Variants in UPRT observed in about 807,000 individuals in gnomAD.
UPRT encodes the protein uracil phosphoribosyltransferase homolog.
A neutral mutation model predicts 22.6 loss-of-function variants in UPRT; 5 were observed. The observed-to-expected ratio is 0.22, with a 90% confidence interval of 0.12 to 0.47. UPRT has a LOEUF of 0.47. UPRT is among the 20% of genes least tolerant of loss of function. UPRT has a pLI of 0.99. For missense variants in UPRT, 181 were observed against 239.9 expected (o/e 0.75, Z 1.62); for synonymous variants, 77 against 87.7 (o/e 0.88, Z 0.68).
chrX:75,251,739 A>T (rs944051665), intron 4 of UPRT, among the ~76,000 whole-genome samples: 1 of 111,617 alleles, frequency 9.0e-6, no homozygotes, highest in Non-Finnish European at 1.9e-5. Context: ...ACCAAAAAAG[A>T]GCCTGCATCA....
chrX:75,250,223 A>T (rs2082523636), intron 4 of UPRT, among the ~76,000 whole-genome samples: 1 of 110,626 alleles, frequency 9.0e-6, no homozygotes, highest in African/African-American at 3.3e-5. Context: ...AGCAGAACTG[A>T]AGGAAATAGA....
At chrX:75,183,271 T>C (rs147906993) in intron 4 of UPRT, among the ~76,000 whole-genome samples, 1,346 of 110,698 alleles carry the variant, frequency 0.012, 23 homozygotes, top group African/African-American at 0.043. Context: ...GAACATGTAG[T>C]GTTTGGTTTT....
At chrX:75,172,694 G>A (rs1387809067) in intron 4 of UPRT, among the ~76,000 whole-genome samples, 1 of 110,596 alleles carries the variant, frequency 9.0e-6, no homozygotes, top group Admixed American at 9.6e-5. Flanking sequence ...TGGGTTCGTG[G>A]TCTCGCTGGC....
At chrX:75,159,139 T>A (rs1379179483) in intron 1 of UPRT, among the ~76,000 whole-genome samples, 1 of 112,011 alleles carries the variant, frequency 8.9e-6, no homozygotes, top group Non-Finnish European at 1.9e-5. Flanking sequence ...TCTTACCTTC[T>A]GATAACCACT....
At chrX:75,179,131 G>T (rs1431346333) in intron 4 of UPRT, among the ~76,000 whole-genome samples, 2 of 111,975 alleles carry the variant, frequency 1.8e-5, no homozygotes, top group African/African-American at 6.5e-5. Context: ...TAAACACAGG[G>T]TGCTGATTGG....
At chrX:75,267,284 G>A (rs1051493275) in intron 4 of UPRT, among the ~76,000 whole-genome samples, 1 of 111,671 alleles carries the variant, frequency 9.0e-6, no homozygotes, top group Non-Finnish European at 1.9e-5. Context: ...TAGGGACACG[G>A]ATGAAGCTGG....
chrX:75,162,844 A>G (rs1405423971), intron 2 of UPRT, among the ~76,000 whole-genome samples: 1 of 111,914 alleles, frequency 8.9e-6, no homozygotes, highest in Non-Finnish European at 1.9e-5. Context: ...ACTCAGGTAC[A>G]TCGAGGTAGT....
intron 4 of UPRT, among the ~76,000 whole-genome samples, chrX:75,196,256 C>G (rs2082332284): frequency 8.9e-6 from 1 of 112,170 alleles, no homozygotes; most frequent in Non-Finnish European, 1.9e-5. Flanking sequence ...GCTTTGAACT[C>G]CTGGGCTCAA....
chrX:75,196,958 C>T (rs955053369), intron 4 of UPRT, among the ~76,000 whole-genome samples: 2 of 111,561 alleles, frequency 1.8e-5, no homozygotes, highest in African/African-American at 6.5e-5. Context: ...TCTAGTAAAT[C>T]GGGCTTCGTT....
At chrX:75,286,311 G>GGGT (rs1569283115) in intron 1 of UPRT, among the ~76,000 whole-genome samples, 1 of 85,251 alleles carries the variant, frequency 1.2e-5, no homozygotes, top group East Asian at 6.2e-4. Flanking sequence ...TTACTTGGGG[G>GGGT]GGGGGTGGGT....
At chrX:75,301,107 G>T in intron 6 of UPRT, 142 bp downstream of exon 6, 1 of 407,331 alleles carries the variant, frequency 2.5e-6, no homozygotes, top group East Asian at 4.3e-5. Flanking sequence ...TATAACTTGT[G>T]TTTGTCATCT....
At chrX:75,249,555 TA>T (rs1299700266) in intron 4 of UPRT, among the ~76,000 whole-genome samples, 1 of 111,354 alleles carries the variant, frequency 9.0e-6, no homozygotes, top group Non-Finnish European at 1.9e-5. Context: ...CCCAGATTCA[TA>T]AAGCAAGTCC....
chrX:75,244,100 C>T (rs973526498), intron 4 of UPRT, among the ~76,000 whole-genome samples: 35 of 111,456 alleles, frequency 3.1e-4, no homozygotes, highest in Non-Finnish European at 2.1e-4. Flanking sequence ...TAACAGTGTA[C>T]TGACCTGGAA....
intron 4 of UPRT, among the ~76,000 whole-genome samples, chrX:75,205,136 C>T (rs1207965067): frequency 1.8e-5 from 2 of 108,230 alleles, no homozygotes; most frequent in Non-Finnish European, 3.8e-5. Flanking sequence ...TTTGGGAGGC[C>T]GAGGCGGGTG....
intron 1 of UPRT, among the ~76,000 whole-genome samples, chrX:75,284,965 G>A (rs775221373): frequency 5.4e-5 from 6 of 111,052 alleles, no homozygotes; most frequent in African/African-American, 2.0e-4. Context: ...CCTTGGGCCG[G>A]TCTTGCTGTG....
At chrX:75,220,692 A>C (rs2082407111) in intron 4 of UPRT, among the ~76,000 whole-genome samples, 1 of 112,055 alleles carries the variant, frequency 8.9e-6, no homozygotes, top group African/African-American at 3.2e-5. Flanking sequence ...AAGCAATGAA[A>C]AAACTAATAT....
chrX:75,283,737 A>G (rs1243724610), intron 1 of UPRT, among the ~76,000 whole-genome samples: 3 of 111,270 alleles, frequency 2.7e-5, no homozygotes, highest in African/African-American at 6.5e-5. Context: ...TCTTTCCTTC[A>G]TCTTAACTTT....
Position 75,302,719 on chromosome X carries a change from A to G in UPRT, c.824-686A>G, listed in dbSNP as rs1282985945. ...TTTTTCTTATGCCAAATCACTCTAC[A>G]ATGAATATCCTAGTCCTTGTTACTT... is the stretch of plus-strand genomic sequence containing the variant. On this transcript the variant is annotated intron_variant, in intron 6 of 6. Coordinates refer to ENST00000373383, the MANE Select transcript of UPRT (RefSeq NM_145052.4). 2.7e-5 allele frequency among the ~76,000 whole-genome samples: 3 copies of G among 110,950 alleles called. No individual in the cohort carries two copies. The Admixed American group carries it at 2.9e-4, about 11-fold the overall frequency.
chrX:75,264,345 T>C (rs184765072), intron 4 of UPRT, among the ~76,000 whole-genome samples: 9 of 111,520 alleles, frequency 8.1e-5, no homozygotes, highest in African/African-American at 2.9e-4. Context: ...CCATTATTAT[T>C]GTGTGGGTGT....
Sources: gnomAD v4.1 joint callset for allele counts (sites outside exome capture counted in the v4.1 genomes callset) on GRCh38, gnomAD v4.1.1 for gene constraint, MANE v1.5 for transcripts, NCBI Gene and HGNC (gene_info 2026-07-23, HGNC 2026-07-21) for gene names.